Variants in PLGRKT observed in about 807,000 individuals in gnomAD.
The protein encoded by PLGRKT is plasminogen receptor (KT).
A neutral mutation model predicts 18.5 loss-of-function variants in PLGRKT; 22 were observed. The ratio of observed to expected loss-of-function variants is 1.19; its 90% CI spans 0.85 to 1.70. The LOEUF is 1.70. Ranked by LOEUF, PLGRKT falls within the 40% of genes most tolerant of loss-of-function variation. The pLI is 0.00. For missense variants in PLGRKT, 235 were observed against 174.4 expected (o/e 1.35, Z -1.96); for synonymous variants, 72 against 52.8 (o/e 1.36, Z -1.58).
At chr9:5,382,297 A>G (rs1817761863) in intron 3 of PLGRKT, among the ~76,000 whole-genome samples, 2 of 152,350 alleles carry the variant, frequency 1.3e-5, no homozygotes, top group African/African-American at 4.8e-5. Flanking sequence ...CAGTTATGAC[A>G]GGCACAATTC....
chr9:5,364,055 G>A (rs1019236968), intron 3 of PLGRKT, among the ~76,000 whole-genome samples: 4 of 152,172 alleles, frequency 2.6e-5, no homozygotes, highest in African/African-American at 9.7e-5. Context: ...TCAAAAGGCA[G>A]CAAACAAGAA....
chr9:5,404,189 C>A (rs145118239), intron 3 of PLGRKT, among the ~76,000 whole-genome samples: 1 of 152,024 alleles, frequency 6.6e-6, no homozygotes, highest in Non-Finnish European at 1.5e-5. Flanking sequence ...TGAATTCTAC[C>A]AGAAGTACAA....
chr9:5,416,306 G>C (rs1267989040), intron 3 of PLGRKT, among the ~76,000 whole-genome samples: 2 of 151,948 alleles, frequency 1.3e-5, no homozygotes, highest in Non-Finnish European at 2.9e-5. Flanking sequence ...ATTATCTTAA[G>C]GAACCAGGTA....
intron 3 of PLGRKT, among the ~76,000 whole-genome samples, chr9:5,378,607 A>G (rs1255736905): frequency 6.6e-6 from 1 of 152,230 alleles, no homozygotes; most frequent in Admixed American, 6.5e-5. Flanking sequence ...CTTAAGGAAT[A>G]TGTTCAGTCT....
At chr9:5,423,938 A>G (rs1460319054) in intron 3 of PLGRKT, among the ~76,000 whole-genome samples, 2 of 143,184 alleles carry the variant, frequency 1.4e-5, no homozygotes, top group Non-Finnish European at 3.0e-5. Context: ...TATATATTAT[A>G]TATAGTAATA....
chr9:5,358,129 AT>A lies in PLGRKT; in HGVS notation c.*109del, dbSNP rs1817178542. 6 of 738,828 alleles carry A rather than the reference AT, an allele frequency of 8.1e-6. No homozygotes were observed. In the East Asian group the frequency reaches 1.7e-4, roughly 21 times the overall value. The allele number at this position is 738,828 out of a possible 1,614,324, so 45.8% of individuals were successfully genotyped here. A position where few individuals can be genotyped will look rare whatever the true frequency, so the allele number is the denominator to read the frequency against. Reference sequence around the variant, plus strand: ...GCTCAAAACTATCTTGCATTTTAATATTTTAAAATAAAATCTATAATATCAA... The same window carrying A: ...GCTCAAAACTATCTTGCATTTTAATATTTAAAATAAAATCTATAATATCAA... On this transcript the variant is annotated 3_prime_UTR_variant, in exon 6 of 6. Transcript: ENST00000223864.
chr9:5,393,339 C>A (rs1477454021), intron 3 of PLGRKT, among the ~76,000 whole-genome samples: 1 of 151,726 alleles, frequency 6.6e-6, no homozygotes, highest in Admixed American at 6.6e-5. Flanking sequence ...TAAAAGCCTT[C>A]TACTTCCTAC....
At chr9:5,416,649 C>CA (rs374139318) in intron 3 of PLGRKT, among the ~76,000 whole-genome samples, 3,924 of 146,160 alleles carry the variant, frequency 0.027, 93 homozygotes, top group Admixed American at 0.065. Flanking sequence ...AGGAGGAAAA[C>CA]AAAAAAAAAA....
chr9:5,417,375 T>C (rs1818483168), intron 3 of PLGRKT, among the ~76,000 whole-genome samples: 1 of 152,106 alleles, frequency 6.6e-6, no homozygotes, highest in East Asian at 1.9e-4. Flanking sequence ...ACATAAAAAT[T>C]AACTCAAAAT....
intron 3 of PLGRKT, among the ~76,000 whole-genome samples, chr9:5,397,539 A>C (rs1818075078): frequency 6.6e-6 from 1 of 151,152 alleles, no homozygotes; most frequent in Non-Finnish European, 1.5e-5. Flanking sequence ...GAGGGCAGGA[A>C]GGAAGGAAGG....
chr9:5,365,880 T>C (rs1270246386), intron 3 of PLGRKT, among the ~76,000 whole-genome samples: 1 of 152,146 alleles, frequency 6.6e-6, no homozygotes. Context: ...TCGGTTCCCT[T>C]ACTGTTAAGA....
In PLGRKT at chr9:5,435,321, T is replaced by TAAC. The variant is rs1554635740; in HGVS notation, c.-7+1247_-7+1248insGTT. Reference sequence around the variant, plus strand: ...ACACCCAAGAATGATCAATAAATACTAAAAAAAAAAAAAAAAAGAAGAAGA... The same window carrying TAAC: ...ACACCCAAGAATGATCAATAAATACTAACAAAAAAAAAAAAAAAAAGAAGAAGA... On this transcript the variant is annotated intron_variant, in intron 2 of 5. Transcript: ENST00000223864. 3.9e-3 allele frequency among the ~76,000 whole-genome samples: 500 copies of TAAC among 127,724 alleles called. 6 individuals carry two copies. The highest frequency in any genetic ancestry group is 0.014 in the African/African-American group (463 of 33,184). The allele number at this position is 127,724 out of a possible 152,430, so 83.8% of individuals were successfully genotyped here.
rs573911772 is a variant in PLGRKT, at chr9:5,380,146, C to T, written c.82-18258G>A. 3.9e-5 allele frequency among the ~76,000 whole-genome samples: 6 copies of T among 152,148 alleles called. No individual in the cohort carries two copies. In the South Asian group the frequency reaches 6.2e-4, roughly 16 times the overall value. On this transcript the variant is annotated intron_variant, in intron 3 of 5. Coordinates refer to ENST00000223864, the MANE Select transcript of PLGRKT (RefSeq NM_018465.4). ...TTGGGAGGCCGAGGCAGGCAGATCACGAGGTCAGGAGATTGAGATCATCCT... is the reference window on the plus strand; with the variant it reads ...TTGGGAGGCCGAGGCAGGCAGATCATGAGGTCAGGAGATTGAGATCATCCT...
At chr9:5,408,721 T>G (rs753351673) in intron 3 of PLGRKT, among the ~76,000 whole-genome samples, 1 of 152,200 alleles carries the variant, frequency 6.6e-6, no homozygotes, top group Non-Finnish European at 1.5e-5. Flanking sequence ...CTTGAAGACA[T>G]TTCAGAGACC....
At chr9:5,368,914 C>T (rs1012650628) in intron 3 of PLGRKT, among the ~76,000 whole-genome samples, 9 of 152,082 alleles carry the variant, frequency 5.9e-5, no homozygotes, top group African/African-American at 9.7e-5. Flanking sequence ...ATGCAGAAAA[C>T]TGAAACTGGA....
At chr9:5,376,064 T>G (rs778447838) in intron 3 of PLGRKT, among the ~76,000 whole-genome samples, 1 of 152,180 alleles carries the variant, frequency 6.6e-6, no homozygotes, top group Non-Finnish European at 1.5e-5. Context: ...TGGATGAACT[T>G]TGGAGACGTT....
At chr9:5,377,587 G>T (rs942185347) in intron 3 of PLGRKT, among the ~76,000 whole-genome samples, 2 of 152,204 alleles carry the variant, frequency 1.3e-5, no homozygotes, top group Non-Finnish European at 2.9e-5. Context: ...AGAGAAAGCA[G>T]ATGGGATCAA....
At chr9:5,402,840 G>A (rs1161366186) in intron 3 of PLGRKT, among the ~76,000 whole-genome samples, 1 of 151,900 alleles carries the variant, frequency 6.6e-6, no homozygotes, top group South Asian at 2.1e-4. Flanking sequence ...TGAAATTTAG[G>A]AAGAAATGAT....
Position 5,418,914 on chromosome 9 carries a change from T to C in PLGRKT, c.81+12983A>G. 3.5e-6 allele frequency: 3 copies of C among 860,820 alleles called. No individual in the cohort carries two copies. The Middle Eastern group carries it at 7.2e-4, about 208-fold the overall frequency. The allele number at this position is 860,820 out of a possible 1,614,324, so 53.3% of individuals were successfully genotyped here. A position where few individuals can be genotyped will look rare whatever the true frequency, so the allele number is the denominator to read the frequency against. ...TGCAATCCAGCAACTTGGCCTTCACTAGGGGCTGCAGTAATTAAAACAGAT... is the reference window on the plus strand; with the variant it reads ...TGCAATCCAGCAACTTGGCCTTCACCAGGGGCTGCAGTAATTAAAACAGAT... On this transcript the variant is annotated intron_variant, in intron 3 of 5. Transcript: ENST00000223864. The surrounding 1 kb of genome is among the most constrained non-coding windows in gnomAD (Gnocchi z 4.2).
Sources: allele counts gnomAD v4.1 joint callset (sites outside exome capture counted in the v4.1 genomes callset), GRCh38; gene constraint gnomAD v4.1.1; non-coding constraint Gnocchi (gnomAD v3.1); transcripts MANE v1.5; gene names NCBI Gene and HGNC (gene_info 2026-07-23, HGNC 2026-07-21).